The following ASMT variants were observed in gnomAD, a reference collection of about 807,000 sequenced individuals.
The protein encoded by ASMT is acetylserotonin N-methyltransferase.
ASMT carries 53 observed loss-of-function variants against 41.3 expected under a neutral mutation model. That is an observed-to-expected ratio of 1.28 (90% CI 1.03 to 1.61). The LOEUF is 1.61. ASMT is among the 40% of genes most tolerant of loss of function. The pLI, the probability that ASMT is intolerant of heterozygous loss-of-function variation, is 0.00. For synonymous variants in ASMT, 231 were observed against 184.8 expected, an observed-to-expected ratio of 1.25 and a Z score of -2.03; for missense variants, 531 against 441.3, an observed-to-expected ratio of 1.20 and a Z score of -1.82.
intron 5 of ASMT, among the ~76,000 whole-genome samples, chrX:1,631,595 C>T (rs1365275258): frequency 6.6e-6 from 1 of 152,112 alleles, no homozygotes; most frequent in Non-Finnish European, 1.5e-5. Context: ...GATCCCCCTG[C>T]CTGGGGAGCA....
rs1556100708 is a variant in ASMT at position 1,625,551 on chromosome X, A to AGGGAGGGAGGGAAAGAGG, written c.374+1165_374+1166insAAGAGGGGGAGGGAGGGA. On this transcript the variant is annotated intron_variant, in intron 3 of 8. Transcript: ENST00000381241. ...GGAGAAGGAAGGAAGGAAGGGAGGGAGGGAGGGAGGGAGGGAGGGAAAGAA... is the reference window on the plus strand; with the variant it reads ...GGAGAAGGAAGGAAGGAAGGGAGGGAGGGAGGGAGGGAAAGAGGGGGAGGGAGGGAGGGAGGGAAAGAA... Among the ~76,000 whole-genome samples, 164 of 65,304 alleles carry AGGGAGGGAGGGAAAGAGG rather than the reference A, an allele frequency of 2.5e-3. 4 individuals are homozygous for AGGGAGGGAGGGAAAGAGG. The highest frequency in any genetic ancestry group is 9.0e-3 in the African/African-American group (156 of 17,388). The allele number at this position is 65,304 out of a possible 152,430, so 42.8% of individuals were successfully genotyped here. A position where few individuals can be genotyped will look rare whatever the true frequency, so the allele number is the denominator to read the frequency against.
chrX:1,628,297 G>A (rs1934635195), intron 4 of ASMT, among the ~76,000 whole-genome samples: 1 of 152,278 alleles, frequency 6.6e-6, no homozygotes, highest in East Asian at 1.9e-4. Context: ...CTCCAGCCTG[G>A]GCAACAAGAG....
chrX:1,617,351 T>G (rs1934173003), intron 1 of ASMT, among the ~76,000 whole-genome samples: 1 of 150,120 alleles, frequency 6.7e-6, no homozygotes, highest in East Asian at 2.1e-4. Context: ...GCACCTGTCA[T>G]CCCATTTACT....
chrX:1,625,326 C>G lies in ASMT; in HGVS notation c.374+928C>G, dbSNP rs1934493376. Among the ~76,000 whole-genome samples, 4 of 151,274 alleles carry G rather than the reference C, an allele frequency of 2.6e-5. No homozygotes were observed. In the South Asian group the frequency reaches 8.4e-4, roughly 32 times the overall value. ...TCACCATGTTAGCCAGGATGGTCTC[C>G]ATCTCCTGACCTCGTGATCTGCCTG... On this transcript the variant is annotated intron_variant, in intron 3 of 8. Coordinates refer to ENST00000381241, the MANE Select transcript of ASMT (RefSeq NM_001171038.2).
At chrX:1,623,917 G>C (rs1490654971) in intron 2 of ASMT, among the ~76,000 whole-genome samples, 1 of 152,106 alleles carries the variant, frequency 6.6e-6, no homozygotes, top group African/African-American at 2.4e-5. Flanking sequence ...CCTAAGCGCT[G>C]AGATTACAGG....
chrX:1,632,340 T>C (rs61209147), intron 5 of ASMT, among the ~76,000 whole-genome samples: 2,344 of 151,974 alleles, frequency 0.015, 44 homozygotes, highest in African/African-American at 0.053. Flanking sequence ...CCGTCAAGAT[T>C]AGACATGGTG....
intron 4 of ASMT, among the ~76,000 whole-genome samples, chrX:1,628,781 C>T (rs5948838): frequency 0.3 from 44,008 of 145,222 alleles, 6,837 homozygotes; most frequent in East Asian, 0.53. Context: ...TTTCCTCTCG[C>T]CTCCCTTCCC....
intron 3 of ASMT, 146 bp from the exon 4 acceptor site, chrX:1,627,557 G>A (rs1934598030): frequency 1.2e-6 from 1 of 825,914 alleles, no homozygotes; most frequent in Admixed American, 1.9e-5. Context: ...GAAGGCAGAG[G>A]TTGCAGTGAG....
Position 1,636,969 on chromosome X carries a change from G to C in ASMT, c.910+409G>C, listed in dbSNP as rs769371404. Among the ~76,000 whole-genome samples, 687 of 71,690 alleles carry C rather than the reference G, an allele frequency of 9.6e-3. 11 individuals carry two copies. The highest frequency in any genetic ancestry group is 0.013 in the Non-Finnish European group (458 of 34,992). The allele number at this position is 71,690 out of a possible 152,430, so 47.0% of individuals were successfully genotyped here. ...CCTGTGAGGTCCATCCATCCTGATG[G>C]CACATGAGGATGTGGGCACAGCCTC... On this transcript the variant is annotated intron_variant, in intron 8 of 8. Transcript: ENST00000381241.
intron 1 of ASMT, among the ~76,000 whole-genome samples, chrX:1,621,111 C>T (rs1484912318): frequency 1.3e-5 from 2 of 151,824 alleles, no homozygotes; most frequent in African/African-American, 4.8e-5. Context: ...AAAGAACAAA[C>T]AAAAAGATAG....
intron 3 of ASMT, 45 bp from the exon 4 acceptor site, chrX:1,627,658 T>C (rs367554752): frequency 7.0e-7 from 1 of 1,424,108 alleles, no homozygotes. Context: ...TGAAATGAAA[T>C]GAAATGAAAT....
In ASMT at chrX:1,633,095, A is replaced by G. The variant is rs58948201; in HGVS notation, c.647-55A>G. Reference sequence around the variant, plus strand: ...ATGAGTCCATGGTGTGTGGAGGGTGAGCGATGTCTCTCAGGTTCATCTCTG... The same window carrying G: ...ATGAGTCCATGGTGTGTGGAGGGTGGGCGATGTCTCTCAGGTTCATCTCTG... On this transcript the variant is annotated intron_variant, in intron 6 of 8. Coordinates refer to ENST00000381241, the MANE Select transcript of ASMT (RefSeq NM_001171038.2). 6.6e-3 allele frequency: 10,679 copies of G among 1,610,408 alleles called. 593 individuals are homozygous for G. The African/African-American group carries it at 0.12, about 19-fold the overall frequency.
At chrX:1,618,981 G>A (rs1380274511) in intron 1 of ASMT, among the ~76,000 whole-genome samples, 1 of 152,188 alleles carries the variant, frequency 6.6e-6, no homozygotes, top group Non-Finnish European at 1.5e-5. Context: ...CACAGAACCA[G>A]AGTTAATGCA....
intron 1 of ASMT, among the ~76,000 whole-genome samples, chrX:1,616,851 G>T (rs1172580814): frequency 6.6e-6 from 1 of 151,544 alleles, no homozygotes; most frequent in African/African-American, 2.4e-5. Context: ...TGGGATTACA[G>T]GCACCCGCCA....
chrX:1,621,458 C>T (rs1428030758), intron 1 of ASMT, among the ~76,000 whole-genome samples: 1 of 151,848 alleles, frequency 6.6e-6, no homozygotes, highest in Non-Finnish European at 1.5e-5. Flanking sequence ...GCTGGGACTA[C>T]AGGCTCACAC....
At chrX:1,633,424 C>A in intron 7 of ASMT, 134 bp downstream of exon 7, 1 of 1,012,008 alleles carries the variant, frequency 9.9e-7, no homozygotes, top group Non-Finnish European at 1.6e-6. Flanking sequence ...TCAACACTGT[C>A]TGTTATTCAT....
In ASMT at chrX:1,641,997, C is replaced by T. The variant is rs6655374; in HGVS notation, c.911-806C>T. Reference sequence around the variant, plus strand: ...CCACCCATCCGATGGTTCATGAGGACGTGGGCACAGCCTCTGTGTGTAATG... The same window carrying T: ...CCACCCATCCGATGGTTCATGAGGATGTGGGCACAGCCTCTGTGTGTAATG... On this transcript the variant is annotated intron_variant, in intron 8 of 8. Coordinates refer to ENST00000381241, the MANE Select transcript of ASMT (RefSeq NM_001171038.2). Among the ~76,000 whole-genome samples, 308 of 139,814 alleles carry T rather than the reference C, an allele frequency of 2.2e-3. 8 individuals carry two copies. The highest frequency in any genetic ancestry group is 0.01 in the Middle Eastern group (2 of 194). The allele number at this position is 139,814 out of a possible 152,430, so 91.7% of individuals were successfully genotyped here.
At chrX:1,620,885 C>T (rs1483012373) in intron 1 of ASMT, among the ~76,000 whole-genome samples, 8 of 149,922 alleles carry the variant, frequency 5.3e-5, no homozygotes. Flanking sequence ...GAGACTCTGT[C>T]TCAAAAAAAT....
At position 1,628,267 on chromosome X, in the gene ASMT, T is replaced by G. The variant is rs1366211759; in HGVS notation, c.443+496T>G. ...ACCCGGGAGGCGGAGGTTGCGGTGA[T>G]CTGAGATCGCACCACTGCACTCCAG... On this transcript the variant is annotated intron_variant, in intron 4 of 8. Transcript: ENST00000381241. Among the ~76,000 whole-genome samples, 251 of 152,172 alleles carry G rather than the reference T, an allele frequency of 1.6e-3. 2 individuals carry two copies. The highest frequency in any genetic ancestry group is 5.2e-3 in the African/African-American group (215 of 41,522).
Sources: allele counts gnomAD v4.1 joint callset (sites outside exome capture counted in the v4.1 genomes callset), GRCh38; gene constraint gnomAD v4.1.1; transcripts MANE v1.5; gene names NCBI Gene and HGNC (gene_info 2026-07-23, HGNC 2026-07-21).